SV2C: variants seen among roughly 807,000 people sequenced by gnomAD.
The protein encoded by SV2C is synaptic vesicle glycoprotein 2C.
Under a neutral mutation model 79.7 loss-of-function variants are expected in SV2C, and 49 were observed. The observed-to-expected ratio is 0.61, with a 90% CI of 0.49 to 0.78. SV2C has a LOEUF of 0.78. SV2C is among the 30% of genes least tolerant of loss of function. The probability of loss-of-function intolerance (pLI) is 0.00; values close to 1 mark genes in which losing one functional copy is unlikely to be tolerated. For synonymous variants in SV2C, 334 were observed against 333.2 expected (o/e 1.00, Z -0.03); for missense variants, 833 against 912.9 (o/e 0.91, Z 1.13).
the SV2C span, among the ~76,000 whole-genome samples, chr5:75,930,115 C>A: frequency 6.6e-6 from 1 of 152,180 alleles, no homozygotes; most frequent in Non-Finnish European, 1.5e-5. Context: ...CCAGTCCCTA[C>A]TATTTTTCCC....
At chr5:76,238,299 T>A (rs977158015) in intron 4 of SV2C, among the ~76,000 whole-genome samples, 4 of 150,604 alleles carry the variant, frequency 2.7e-5, no homozygotes, top group African/African-American at 1.0e-4. Flanking sequence ...GAGGGGTGTG[T>A]GTGTATGTGT....
chr5:75,939,231 C>T, the SV2C span, among the ~76,000 whole-genome samples: 1 of 152,108 alleles, frequency 6.6e-6, no homozygotes, highest in East Asian at 1.9e-4. Context: ...GTTTAAGCAA[C>T]AGGTGTTTAT....
the SV2C span, among the ~76,000 whole-genome samples, chr5:75,872,323 T>C: frequency 6.6e-6 from 1 of 152,000 alleles, no homozygotes; most frequent in South Asian, 2.1e-4. Flanking sequence ...ATAAAAATTC[T>C]TCCCAAATTA....
chr5:75,962,900 G>A, the SV2C span, among the ~76,000 whole-genome samples: 5 of 152,054 alleles, frequency 3.3e-5, no homozygotes, highest in Admixed American at 6.5e-5. Context: ...TGCTAAAGAA[G>A]CAATATAAAA....
intron 4 of SV2C, among the ~76,000 whole-genome samples, chr5:76,262,404 T>C (rs925316952): frequency 6.6e-6 from 1 of 152,136 alleles, no homozygotes; most frequent in African/African-American, 2.4e-5. Context: ...GATTCATTGA[T>C]TTTTTTGAAG....
At chr5:76,001,108 C>G in the SV2C span, among the ~76,000 whole-genome samples, 218 of 151,880 alleles carry the variant, frequency 1.4e-3, no homozygotes, top group African/African-American at 4.9e-3. Flanking sequence ...AAAGAACCCA[C>G]TAGAAGTGTG....
intron 2 of SV2C, among the ~76,000 whole-genome samples, chr5:76,190,754 C>T (rs1232673852): frequency 6.6e-6 from 1 of 152,094 alleles, no homozygotes; most frequent in Non-Finnish European, 1.5e-5. Context: ...GCACCTACTT[C>T]TTATGAAAGA....
Position 76,184,364 on chromosome 5 carries a change from G to A in SV2C, c.581-10555G>A, listed in dbSNP as rs538479025. Reference sequence around the variant, plus strand: ...TGCCTGGTTTATAGCAGGAGCTCAAGCAAGAGCTGTGGAATTAATGATCAC... The same window carrying A: ...TGCCTGGTTTATAGCAGGAGCTCAAACAAGAGCTGTGGAATTAATGATCAC... On this transcript the variant is annotated intron_variant, in intron 2 of 12. Transcript: ENST00000502798. 3.4e-4 allele frequency among the ~76,000 whole-genome samples: 52 copies of A among 152,310 alleles called. No homozygotes were observed. In the South Asian group the frequency reaches 6.6e-3, roughly 19 times the overall value.
chr5:75,996,855 A>G, the SV2C span, among the ~76,000 whole-genome samples: 1 of 139,594 alleles, frequency 7.2e-6, no homozygotes, highest in Admixed American at 7.2e-5. Context: ...ACTTTGCTGA[A>G]GTTGCTTATC....
the SV2C span, among the ~76,000 whole-genome samples, chr5:75,956,590 G>T: frequency 1.3e-5 from 2 of 151,816 alleles, no homozygotes; most frequent in Admixed American, 6.6e-5. Context: ...GTAGATGGAG[G>T]GTAGCTCGGG....
At chr5:76,086,439 G>A (rs555374908) in intron 1 of SV2C, among the ~76,000 whole-genome samples, 2 of 152,192 alleles carry the variant, frequency 1.3e-5, no homozygotes, top group African/African-American at 4.8e-5. Flanking sequence ...AGATTTCTGT[G>A]AGTAGTGAAA....
At chr5:76,033,604 T>C in the SV2C span, among the ~76,000 whole-genome samples, 7 of 152,224 alleles carry the variant, frequency 4.6e-5, no homozygotes, top group Non-Finnish European at 8.8e-5. Context: ...TCCATTGATC[T>C]ATATCTCTGT....
At chr5:75,979,428 C>A in the SV2C span, among the ~76,000 whole-genome samples, 1 of 151,744 alleles carries the variant, frequency 6.6e-6, no homozygotes, top group African/African-American at 2.4e-5. Context: ...AATATACATT[C>A]TTCTCATAAT....
chr5:75,911,086 C>T, the SV2C span: 20 of 1,397,198 alleles, frequency 1.4e-5, no homozygotes, highest in Non-Finnish European at 2.0e-5. Flanking sequence ...CTGATGCAGC[C>T]CGGGGGAAGA....
the SV2C span, among the ~76,000 whole-genome samples, chr5:75,906,847 A>G: frequency 9.2e-5 from 14 of 152,144 alleles, no homozygotes; most frequent in African/African-American, 2.9e-4. Flanking sequence ...AAATTTGTCA[A>G]TGTCTAGAAA....
chr5:76,036,939 C>T, the SV2C span, among the ~76,000 whole-genome samples: 2 of 152,150 alleles, frequency 1.3e-5, no homozygotes, highest in Non-Finnish European at 2.9e-5. Flanking sequence ...AGGCTTTGCT[C>T]GTTTCTTTTT....
At chr5:76,233,904 T>A (rs1418616907) in intron 4 of SV2C, among the ~76,000 whole-genome samples, 2 of 152,196 alleles carry the variant, frequency 1.3e-5, no homozygotes, top group African/African-American at 4.8e-5. Flanking sequence ...AAATTCTCTT[T>A]TTTGGTTGTG....
the SV2C span, among the ~76,000 whole-genome samples, chr5:76,003,354 T>G: frequency 2.6e-5 from 4 of 152,200 alleles, no homozygotes; most frequent in Admixed American, 1.3e-4. Flanking sequence ...TGTTTACATA[T>G]GACAGCACAT....
At chr5:76,270,315 A>T (rs947980787) in intron 4 of SV2C, among the ~76,000 whole-genome samples, 7 of 152,196 alleles carry the variant, frequency 4.6e-5, no homozygotes, top group Non-Finnish European at 8.8e-5. Context: ...GTGTGGGGGA[A>T]GTACTAGGTT....
Sources: allele counts gnomAD v4.1 joint callset (sites outside exome capture counted in the v4.1 genomes callset), GRCh38; gene constraint gnomAD v4.1.1; transcripts MANE v1.5; gene names NCBI Gene and HGNC (gene_info 2026-07-23, HGNC 2026-07-21).